MLLT1: variants seen among roughly 807,000 people sequenced by gnomAD.
MLLT1 encodes protein ENL.
Under a neutral mutation model 55.1 loss-of-function variants are expected in MLLT1, and 11 were observed. The observed-to-expected ratio is 0.20, with a 90% CI of 0.13 to 0.33. MLLT1 has a LOEUF of 0.33. Among genes scored for constraint, MLLT1 ranks in the 10% least tolerant of loss-of-function variants. The probability of loss-of-function intolerance (pLI) is 1.00; values close to 1 mark genes in which losing one functional copy is unlikely to be tolerated. For missense variants in MLLT1, 536 were observed against 760.6 expected, an observed-to-expected ratio of 0.70 and a Z score of 3.47; for synonymous variants, 323 against 320.1, an observed-to-expected ratio of 1.01 and a Z score of -0.10.
rs746773094 is a variant in MLLT1 at position 6,230,401 on chromosome 19, A to C, written c.420+169T>G. Among the ~76,000 whole-genome samples the C allele has an allele frequency of 6.6e-6, 1 of 152,130 alleles. No homozygotes were observed. Among genetic ancestry groups the C allele is most frequent in the African/African-American group, 2.4e-5 (1 of 41,438 alleles). On this transcript the variant is annotated intron_variant, in intron 4 of 11. Transcript: ENST00000252674. The surrounding 1 kb of genome is among the most constrained non-coding windows in gnomAD (Gnocchi z 9.0). ...TCACCTGCAGCCACCACGCCCCGGC[A>C]CAGGTTGTGGAGCTCCCAGGTCCCC...
At chr19:6,276,754 A>C (rs1229953338) in intron 1 of MLLT1, among the ~76,000 whole-genome samples, 2 of 152,162 alleles carry the variant, frequency 1.3e-5, no homozygotes, top group African/African-American at 4.8e-5. Context: ...TGCCAAAAAA[A>C]ATACAAATAC....
At chr19:6,260,549 TCCACGGGCAGC>T (rs1291350495) in intron 3 of MLLT1, among the ~76,000 whole-genome samples, 1 of 152,236 alleles carries the variant, frequency 6.6e-6, no homozygotes, top group Non-Finnish European at 1.5e-5. Flanking sequence ...TGCCTCCGAA[TCCACGGGCAGC>T]CCACGGCGGA....
intron 3 of MLLT1, among the ~76,000 whole-genome samples, chr19:6,245,268 T>C (rs1466749066): frequency 6.6e-6 from 1 of 151,108 alleles, no homozygotes; most frequent in Admixed American, 6.6e-5. Context: ...TTTTTTTTTT[T>C]TTTTAAAGAG....
At position 6,279,822 on chromosome 19, in the gene MLLT1, TCGCCGCCGC is replaced by T. The variant is rs898522554; in HGVS notation, c.-47_-39del. ...GCCCCGCCCCCGGGCCCCGCGTCGC[TCGCCGCCGC>T]CGCCGCCGCCGCCGCCGCTCAACGC... On this transcript the variant is annotated 5_prime_UTR_variant, in exon 1 of 12. Transcript: ENST00000252674. The T allele has an allele frequency of 0.064, 9,547 of 148,370 alleles. 419 individuals carry two copies. The highest frequency in any genetic ancestry group is 0.091 in the Non-Finnish European group (6,340 of 69,918). 9.2% of individuals were successfully genotyped at this position (148,370 alleles called of 1,614,324 possible).
In MLLT1 at chr19:6,218,154, C is replaced by T. The variant is rs991038455; in HGVS notation, c.1111-113G>A. ...CTACGCTGAGTGGGTCTCCCCCAGA[C>T]ACCCCTAGGGTCCCAAGGGTACCCA... On this transcript the variant is annotated intron_variant, in intron 6 of 11. Transcript: ENST00000252674. 12 of 1,454,830 alleles carry T rather than the reference C, an allele frequency of 8.2e-6. No homozygotes were observed. In the African/African-American group the frequency reaches 1.6e-4, roughly 19 times the overall value. The allele number at this position is 1,454,830 out of a possible 1,614,324, so 90.1% of individuals were successfully genotyped here.
intron 3 of MLLT1, among the ~76,000 whole-genome samples, chr19:6,243,703 C>T (rs1160486811): frequency 1.3e-5 from 2 of 152,096 alleles, no homozygotes; most frequent in South Asian, 2.1e-4. Flanking sequence ...CAAACAGCTG[C>T]CCCTCCCCCT....
Position 6,264,385 on chromosome 19 carries a change from A to AAATC in MLLT1, c.194-2079_194-2076dup, listed in dbSNP as rs1431142544. ...CCCGAGGAAGGCCTTACTCATTAGG[A>AAATC]AATCAGGAGGCCCGTGAGCCTTCAG... On this transcript the variant is annotated intron_variant, in intron 2 of 11. Coordinates refer to ENST00000252674, the MANE Select transcript of MLLT1 (RefSeq NM_005934.4). 4.6e-5 allele frequency among the ~76,000 whole-genome samples: 7 copies of AAATC among 152,132 alleles called. No individual in the cohort carries two copies. The East Asian group carries it at 1.4e-3, about 29-fold the overall frequency.
chr19:6,270,704 G>C lies in MLLT1; in HGVS notation c.68C>G (p.Pro23Arg), dbSNP rs1429723430. Residue 23 changes from proline (P) to arginine (R), a missense_variant, in exon 2 of 12, where the codon CCC becomes CGC. By Grantham distance (103) the Pro-to-Arg change is moderately radical. This residue lies in a region of MLLT1 where 62 missense variants were observed against 195.8 expected (regional missense o/e 0.32). Coordinates refer to ENST00000252674, the MANE Select transcript of MLLT1 (RefSeq NM_005934.4). This position sits in a 1 kb window ranked among gnomAD's most constrained non-coding sequence, Gnocchi z 7.1. ...GTCGTGAGTGAACCCCTCCGTGGTGGGCTTCTTGCGCAGTTGGGCGCGATG... is the reference window on the plus strand; with the variant it reads ...GTCGTGAGTGAACCCCTCCGTGGTGCGCTTCTTGCGCAGTTGGGCGCGATG... ...LGHRAQLRKKPTTEGFTHDWM... is the reference protein window; with the variant it reads ...LGHRAQLRKKRTTEGFTHDWM... 6.2e-7 allele frequency: 1 copy of C among 1,613,992 alleles called. No homozygotes were observed.
At chr19:6,217,782 T>G (rs990984704) in intron 7 of MLLT1, among the ~76,000 whole-genome samples, 172 bp downstream of exon 7, 6 of 152,188 alleles carry the variant, frequency 3.9e-5, no homozygotes, top group Non-Finnish European at 7.3e-5. Context: ...TCTGGTGACT[T>G]GTTCCTGCTT....
intron 11 of MLLT1, 57 bp downstream of exon 11, chr19:6,213,280 C>T (rs999499741): frequency 3.1e-6 from 5 of 1,608,790 alleles, no homozygotes; most frequent in South Asian, 2.2e-5. Context: ...CCCCGCAGCC[C>T]ACACTCCTCA....
At chr19:6,239,177 G>A (rs922721076) in intron 3 of MLLT1, among the ~76,000 whole-genome samples, 1 of 152,310 alleles carries the variant, frequency 6.6e-6, no homozygotes, top group Non-Finnish European at 1.5e-5. Context: ...CGCGTTCACC[G>A]GTCCACGGCA....
chr19:6,214,438 GCCCGTCCCTCCGATGCTC>G, intron 8 of MLLT1, among the ~76,000 whole-genome samples: 1 of 152,270 alleles, frequency 6.6e-6, no homozygotes, highest in South Asian at 2.1e-4. Flanking sequence ...TTCCATGGCC[GCCCGTCCCTCCGATGCTC>G]CCCTGGCCGC....
intron 8 of MLLT1, among the ~76,000 whole-genome samples, chr19:6,215,707 C>T (rs1244856213): frequency 6.6e-6 from 1 of 152,184 alleles, no homozygotes; most frequent in Non-Finnish European, 1.5e-5. Context: ...GCCTGGAGGC[C>T]TCAGCCTCAC....
chr19:6,267,696 C>T lies in MLLT1; in HGVS notation c.193+2883G>A, dbSNP rs185989221. On this transcript the variant is annotated intron_variant, in intron 2 of 11. Transcript: ENST00000252674. ...GTCCCAACCAGCCTGATGGTGACAGCGTCAAACATGTCAACGCCGCCTACT... is the reference window on the plus strand; with the variant it reads ...GTCCCAACCAGCCTGATGGTGACAGTGTCAAACATGTCAACGCCGCCTACT... Among the ~76,000 whole-genome samples the T allele has an allele frequency of 1.2e-3, 190 of 152,274 alleles. 1 individual carries two copies. Among genetic ancestry groups the T allele is most frequent in the African/African-American group, 4.3e-3 (177 of 41,544 alleles).
chr19:6,277,579 G>A (rs1281825558), intron 1 of MLLT1, among the ~76,000 whole-genome samples: 1 of 152,210 alleles, frequency 6.6e-6, no homozygotes, highest in Non-Finnish European at 1.5e-5. Context: ...CTGTCCACCT[G>A]AGTGAGACCT....
intron 3 of MLLT1, among the ~76,000 whole-genome samples, chr19:6,241,050 A>G (rs1197278412): frequency 6.6e-6 from 1 of 152,168 alleles, no homozygotes; most frequent in Non-Finnish European, 1.5e-5. Context: ...GACCATAACA[A>G]ATGAAGACAG....
At chr19:6,261,204 C>T (rs1818138150) in intron 3 of MLLT1, among the ~76,000 whole-genome samples, 1 of 152,196 alleles carries the variant, frequency 6.6e-6, no homozygotes, top group South Asian at 2.1e-4. Flanking sequence ...CGGCTCTTCT[C>T]CCAGCGGGGC....
intron 5 of MLLT1, among the ~76,000 whole-genome samples, chr19:6,224,068 T>C (rs1248260880): frequency 1.3e-5 from 2 of 152,082 alleles, no homozygotes; most frequent in African/African-American, 4.8e-5. Context: ...GCAGGCTGGG[T>C]AGAGGCCTCT....
chr19:6,216,400 G>A lies in MLLT1; in HGVS notation c.1307+5C>T, dbSNP rs755898010. On this transcript the variant is annotated splice_donor_5th_base_variant and intron_variant, in intron 8 of 11. Transcript: ENST00000252674. Reference sequence around the variant, plus strand: ...TCCGCCCCCTGGCTCCCACCGGGCCGTCACCTGGAGTCCCTCCCCGGGTTG... The same window carrying A: ...TCCGCCCCCTGGCTCCCACCGGGCCATCACCTGGAGTCCCTCCCCGGGTTG... 22 of 1,598,920 alleles carry A rather than the reference G, an allele frequency of 1.4e-5. No homozygotes were observed. The highest frequency in any genetic ancestry group is 6.8e-5 in the East Asian group (3 of 44,316).
Sources: allele counts gnomAD v4.1 joint callset (sites outside exome capture counted in the v4.1 genomes callset), GRCh38; gene constraint gnomAD v4.1.1; regional missense constraint gnomAD v4.1.1; non-coding constraint Gnocchi (gnomAD v3.1); transcripts MANE v1.5; gene names NCBI Gene and HGNC (gene_info 2026-07-23, HGNC 2026-07-21).